Variants in NYAP2 observed in about 807,000 individuals in gnomAD.
NYAP2 encodes neuronal tyrosine-phosphorylated phosphoinositide-3-kinase adapter 2.
A neutral mutation model predicts 50.4 loss-of-function variants in NYAP2; 23 were observed. The observed-to-expected ratio is 0.46, with a 90% CI of 0.33 to 0.65. The LOEUF (loss-of-function observed/expected upper bound fraction) is 0.65. NYAP2 is among the 30% of genes least tolerant of loss of function. NYAP2 has a pLI of 0.02. For synonymous variants in NYAP2, 394 were observed against 365.2 expected (o/e 1.08, Z -0.90); for missense variants, 885 against 861.0 (o/e 1.03, Z -0.35).
intron 3 of NYAP2, among the ~76,000 whole-genome samples, chr2:225,459,349 C>T (rs572890211): frequency 6.6e-6 from 1 of 152,076 alleles, no homozygotes; most frequent in Non-Finnish European, 1.5e-5. Context: ...GTGTTTGTAT[C>T]CCCCAGTGAC....
chr2:225,556,931 C>T (rs1427404212), intron 4 of NYAP2, among the ~76,000 whole-genome samples: 1 of 152,166 alleles, frequency 6.6e-6, no homozygotes, highest in African/African-American at 2.4e-5. Context: ...TGCTCAACCT[C>T]GGACCATTGG....
intron 4 of NYAP2, among the ~76,000 whole-genome samples, chr2:225,544,591 T>C (rs971801301): frequency 3.3e-5 from 5 of 152,138 alleles, no homozygotes; most frequent in African/African-American, 1.2e-4. Context: ...CTTCGTCTCC[T>C]ATTTTTTAAC....
At chr2:225,693,860 T>C in the NYAP2 span, among the ~76,000 whole-genome samples, 3 of 152,018 alleles carry the variant, frequency 2.0e-5, no homozygotes, top group South Asian at 2.1e-4. Context: ...ACTTTCCTCC[T>C]AGCTTTCCAC....
chr2:225,530,105 T>C (rs556934227), intron 4 of NYAP2, among the ~76,000 whole-genome samples: 3 of 152,332 alleles, frequency 2.0e-5, no homozygotes, highest in East Asian at 1.9e-4. Context: ...AAATTATTTT[T>C]TTTTTAATTT....
chr2:225,671,912 T>A, the NYAP2 span, among the ~76,000 whole-genome samples: 1 of 152,146 alleles, frequency 6.6e-6, no homozygotes, highest in African/African-American at 2.4e-5. Context: ...ATTCTTTTTT[T>A]TTCTGTGCAG....
intron 3 of NYAP2, among the ~76,000 whole-genome samples, chr2:225,499,870 G>C (rs955973867): frequency 6.6e-6 from 1 of 152,182 alleles, no homozygotes; most frequent in African/African-American, 2.4e-5. Context: ...AGGAGAAAGG[G>C]AGGGATAGAG....
chr2:225,619,400 C>A (rs1693049631), intron 5 of NYAP2, among the ~76,000 whole-genome samples: 1 of 152,170 alleles, frequency 6.6e-6, no homozygotes, highest in African/African-American at 2.4e-5. Flanking sequence ...CTCATTCATG[C>A]TATACTGTTT....
At chr2:225,636,668 G>A (rs1693422744) in intron 6 of NYAP2, among the ~76,000 whole-genome samples, 1 of 152,112 alleles carries the variant, frequency 6.6e-6, no homozygotes. Flanking sequence ...GACTACCCTT[G>A]AGTCTTGCAT....
chr2:225,641,196 C>T (rs1005358007), intron 6 of NYAP2, among the ~76,000 whole-genome samples: 1 of 152,042 alleles, frequency 6.6e-6, no homozygotes, highest in African/African-American at 2.4e-5. Flanking sequence ...TGTTAGATTC[C>T]TTTGGAAAGG....
chr2:225,524,798 A>G (rs916582885), intron 4 of NYAP2, among the ~76,000 whole-genome samples: 6 of 152,172 alleles, frequency 3.9e-5, no homozygotes, highest in Admixed American at 1.3e-4. Context: ...TTAACAGAGT[A>G]AACAGAGAAA....
the NYAP2 span, among the ~76,000 whole-genome samples, chr2:225,682,817 G>T: frequency 6.6e-6 from 1 of 152,074 alleles, no homozygotes; most frequent in African/African-American, 2.4e-5. Context: ...AGAGCCCAGA[G>T]TTCTTATGAG....
At chr2:225,530,371 C>G (rs1352443573) in intron 4 of NYAP2, among the ~76,000 whole-genome samples, 1 of 152,166 alleles carries the variant, frequency 6.6e-6, no homozygotes, top group African/African-American at 2.4e-5. Context: ...CCAAAATCCA[C>G]TGCTCTCTGA....
the NYAP2 span, among the ~76,000 whole-genome samples, chr2:225,687,297 T>C: frequency 6.6e-6 from 1 of 152,286 alleles, no homozygotes; most frequent in Non-Finnish European, 1.5e-5. Context: ...CATGGTTATG[T>C]GCAATAAATC....
intron 3 of NYAP2, among the ~76,000 whole-genome samples, chr2:225,424,611 C>A (rs1251561240): frequency 6.6e-6 from 1 of 151,968 alleles, no homozygotes; most frequent in Non-Finnish European, 1.5e-5. Context: ...ATTTACCCAT[C>A]TGAACTACAA....
chr2:225,651,195 A>G (rs576904459), intron 6 of NYAP2, among the ~76,000 whole-genome samples: 2 of 152,356 alleles, frequency 1.3e-5, no homozygotes, highest in Admixed American at 1.3e-4. Context: ...TAAAATGTGC[A>G]AAGGCACAAG....
At chr2:225,696,090 C>T in the NYAP2 span, among the ~76,000 whole-genome samples, 2 of 151,868 alleles carry the variant, frequency 1.3e-5, no homozygotes, top group African/African-American at 4.8e-5. Context: ...ATACATACAA[C>T]AATAACTATT....
intron 4 of NYAP2, among the ~76,000 whole-genome samples, chr2:225,536,777 TTTTC>T (rs1691358281): frequency 6.6e-6 from 1 of 151,794 alleles, no homozygotes; most frequent in Non-Finnish European, 1.5e-5. Context: ...TTTCTTTCTT[TTTTC>T]TTTCTTTTTT....
chr2:225,477,699 A>G (rs143179010), intron 3 of NYAP2, among the ~76,000 whole-genome samples: 120 of 152,256 alleles, frequency 7.9e-4, no homozygotes, highest in African/African-American at 2.8e-3. Flanking sequence ...GTTAGTTTAG[A>G]TACATACACA....
At chr2:225,629,030 G>A (rs1448097903) in intron 6 of NYAP2, among the ~76,000 whole-genome samples, 1 of 152,160 alleles carries the variant, frequency 6.6e-6, no homozygotes, top group Non-Finnish European at 1.5e-5. Flanking sequence ...GATTTATTAT[G>A]AGGGATTAGT....
Sources: allele counts gnomAD v4.1 joint callset (sites outside exome capture counted in the v4.1 genomes callset), GRCh38; gene constraint gnomAD v4.1.1; transcripts MANE v1.5; gene names NCBI Gene and HGNC (gene_info 2026-07-23, HGNC 2026-07-21).